CHD6: variants seen among roughly 807,000 people sequenced by gnomAD.
CHD6 encodes the protein chromodomain helicase DNA binding protein 6.
A neutral mutation model predicts 276.9 loss-of-function variants in CHD6; 50 were observed. That is an observed-to-expected ratio of 0.18 (90% CI 0.14 to 0.23). The LOEUF is 0.23. CHD6 is among the 10% of genes least tolerant of loss of function. CHD6 has a pLI of 1.00. For synonymous variants in CHD6, 1,173 were observed against 1,229.3 expected (o/e 0.95, Z 0.96); for missense variants, 2,564 against 3,365.8 (o/e 0.76, Z 5.89).
rs2048118341 is a variant in CHD6 at position 41,447,865 on chromosome 20, A to C, written c.3773+17T>G. On this transcript the variant is annotated intron_variant, in intron 24 of 36. Coordinates refer to ENST00000373233, the MANE Select transcript of CHD6 (RefSeq NM_032221.5). ...TCAATTCTTTAACGTTGATATGTTA[A>C]GTTTCATTTGCTTTACCTGGCAGGA... 1.9e-6 allele frequency: 3 copies of C among 1,567,138 alleles called. No homozygotes were observed. Among genetic ancestry groups the C allele is most frequent in the Non-Finnish European group, 2.6e-6 (3 of 1,142,392 alleles).
intron 3 of CHD6, among the ~76,000 whole-genome samples, chr20:41,527,420 CAA>C (rs367968972): frequency 7.0e-6 from 1 of 143,604 alleles, no homozygotes. Flanking sequence ...GACCCTGTCT[CAA>C]AAAAAAAAAG....
chr20:41,453,223 G>C (rs369289102), intron 20 of CHD6, among the ~76,000 whole-genome samples: 2 of 150,048 alleles, frequency 1.3e-5, no homozygotes, highest in Non-Finnish European at 3.0e-5. Context: ...GGCAGGCAAG[G>C]CCCCCCCCCA....
intron 8 of CHD6, among the ~76,000 whole-genome samples, chr20:41,494,406 A>C (rs542803565): frequency 6.6e-6 from 1 of 152,342 alleles, no homozygotes; most frequent in Admixed American, 6.5e-5. Flanking sequence ...TTACATTGTA[A>C]AAATTCATTG....
intron 7 of CHD6, chr20:41,497,780 C>T (rs2043723801): frequency 2.1e-6 from 1 of 479,162 alleles, no homozygotes; most frequent in Admixed American, 3.4e-5. Context: ...CATTAACACA[C>T]ATTAGTGAAA....
At chr20:41,573,971 T>C (rs1568711013) in intron 1 of CHD6, among the ~76,000 whole-genome samples, 1 of 152,160 alleles carries the variant, frequency 6.6e-6, no homozygotes, top group Non-Finnish European at 1.5e-5. Flanking sequence ...CAAGAGTGGA[T>C]TCCTGATCCT....
Position 41,421,056 on chromosome 20 carries a change from C to T in CHD6, c.5579G>A (p.Ser1860Asn). Residue 1860 changes from serine to asparagine, a missense_variant, in exon 31 of 37, where the codon AGT becomes AAT. Transcript: ENST00000373233. ...TTCCTCCTCATCACTGTGGTTCTGA[C>T]TCAAAATCAATTTACTTTCTAAGCT... Reference protein sequence around the residue: ...NKSLESKLILSQNHSDEEEEE... With the variant: ...NKSLESKLILNQNHSDEEEEE... 6.2e-7 allele frequency: 1 copy of T among 1,613,850 alleles called. No individual in the cohort carries two copies. Among genetic ancestry groups the T allele is most frequent in the Non-Finnish European group, 8.5e-7 (1 of 1,179,950 alleles).
At position 41,425,299 on chromosome 20, in the gene CHD6, T is replaced by G; in HGVS notation, c.4225A>C (p.Asn1409His). The G allele has an allele frequency of 6.2e-7, 1 of 1,614,216 alleles. No individual in the cohort carries two copies. Among genetic ancestry groups the G allele is most frequent in the Non-Finnish European group, 8.5e-7 (1 of 1,180,050 alleles). ...TCAGGCCGGCACAGTTCCTTGCGGT[T>G]GCAGCGCTGGTAAACAGTGACCAGA... ...RRLVTVYQRC[N>H]RKELCRPEIL... The change falls in exon 29 of 37, where the codon AAC becomes CAC. Residue 1409 changes from asparagine to histidine, a missense_variant. By Grantham distance (68) the Asn-to-His change is moderately conservative. Coordinates refer to ENST00000373233, the MANE Select transcript of CHD6 (RefSeq NM_032221.5).
rs532436889 is a variant in CHD6, at chr20:41,516,707, T to A, written c.555-1755A>T. Among the ~76,000 whole-genome samples, 74 of 152,158 alleles carry A rather than the reference T, an allele frequency of 4.9e-4. 1 individual carries two copies. Among genetic ancestry groups the A allele is most frequent in the African/African-American group, 1.6e-3 (65 of 41,520 alleles). ...ACAGGGCAAGTGAACAGAAGCACTA[T>A]GTGATGGAGCTCAAAGGAAAAATCA... On this transcript the variant is annotated intron_variant, in intron 3 of 36. Coordinates refer to ENST00000373233, the MANE Select transcript of CHD6 (RefSeq NM_032221.5).
intron 36 of CHD6, among the ~76,000 whole-genome samples, chr20:41,409,030 G>A (rs2046766709): frequency 6.6e-6 from 1 of 152,186 alleles, no homozygotes; most frequent in Admixed American, 6.5e-5. Flanking sequence ...CACAATGGTG[G>A]GTCCTTTCAG....
chr20:41,496,397 G>A (rs1006434529), intron 8 of CHD6, among the ~76,000 whole-genome samples: 4 of 152,086 alleles, frequency 2.6e-5, no homozygotes, highest in African/African-American at 7.2e-5. Flanking sequence ...ACGTCTCCTG[G>A]GTGTTCAGGA....
chr20:41,522,345 C>CA (rs766209064), intron 3 of CHD6, among the ~76,000 whole-genome samples: 73 of 149,878 alleles, frequency 4.9e-4, no homozygotes, highest in Non-Finnish European at 8.0e-4. Flanking sequence ...GACCCTGTCT[C>CA]AAAAAAAACA....
At chr20:41,568,454 G>C (rs1364496874) in intron 1 of CHD6, among the ~76,000 whole-genome samples, 1 of 152,162 alleles carries the variant, frequency 6.6e-6, no homozygotes, top group Non-Finnish European at 1.5e-5. Flanking sequence ...TTTGTACTTT[G>C]AGATAATTAA....
At chr20:41,607,766 GA>G (rs11086808) in intron 1 of CHD6, among the ~76,000 whole-genome samples, 265 of 118,244 alleles carry the variant, frequency 2.2e-3, no homozygotes, top group Middle Eastern at 8.7e-3. Context: ...CATTCCACAG[GA>G]AAAAAAAAAA....
chr20:41,492,659 G>A (rs1158091731), intron 10 of CHD6, among the ~76,000 whole-genome samples: 1 of 152,232 alleles, frequency 6.6e-6, no homozygotes, highest in African/African-American at 2.4e-5. Context: ...GGTGGCTCAC[G>A]CCAAAGTAAT....
chr20:41,450,606 C>T (rs1206338394), intron 23 of CHD6, among the ~76,000 whole-genome samples: 1 of 152,118 alleles, frequency 6.6e-6, no homozygotes, highest in African/African-American at 2.4e-5. Context: ...AGAGTGGCAG[C>T]GACCAAGGCC....
intron 5 of CHD6, among the ~76,000 whole-genome samples, chr20:41,501,621 C>G (rs73611288): frequency 0.023 from 3,485 of 152,174 alleles, 49 homozygotes; most frequent in South Asian, 0.04. Context: ...TAAATTATGT[C>G]TTTTGGTGGA....
chr20:41,536,504 T>C (rs566195359), intron 2 of CHD6, among the ~76,000 whole-genome samples: 1 of 151,932 alleles, frequency 6.6e-6, no homozygotes, highest in African/African-American at 2.4e-5. Context: ...CAAACAGAGG[T>C]CCATGGACAA....
intron 3 of CHD6, among the ~76,000 whole-genome samples, chr20:41,529,170 T>C (rs947071176): frequency 1.3e-4 from 20 of 152,258 alleles, no homozygotes; most frequent in South Asian, 2.1e-4. Context: ...TTCATTCAAT[T>C]ATAAAATGGA....
intron 10 of CHD6, among the ~76,000 whole-genome samples, chr20:41,493,299 A>G (rs1478575154): frequency 6.6e-6 from 1 of 152,196 alleles, no homozygotes; most frequent in Non-Finnish European, 1.5e-5. Context: ...AATCTAAGCC[A>G]ATATCAAAGC....
Sources: gnomAD v4.1 joint callset for allele counts (sites outside exome capture counted in the v4.1 genomes callset) on GRCh38, gnomAD v4.1.1 for gene constraint, MANE v1.5 for transcripts, NCBI Gene and HGNC (gene_info 2026-07-23, HGNC 2026-07-21) for gene names.